KIF16B: variants seen among roughly 807,000 people sequenced by gnomAD.
KIF16B encodes kinesin family member 16B, also known as kinesin-like protein KIF16B.
A neutral mutation model predicts 156.3 loss-of-function variants in KIF16B; 98 were observed. That is an observed-to-expected ratio of 0.63 (90% CI 0.53 to 0.74). The LOEUF (loss-of-function observed/expected upper bound fraction) is 0.74. KIF16B is among the 30% of genes least tolerant of loss of function. KIF16B has a pLI of 0.00. For missense variants in KIF16B, 1,421 were observed against 1,606.5 expected (o/e 0.88, Z 1.97); for synonymous variants, 564 against 583.7 (o/e 0.97, Z 0.49).
chr20:16,352,627 G>A (rs917541457), intron 23 of KIF16B, among the ~76,000 whole-genome samples: 1 of 152,174 alleles, frequency 6.6e-6, no homozygotes, highest in Non-Finnish European at 1.5e-5. Flanking sequence ...CCAAATTGGA[G>A]CTCCCACACT....
rs1304707470 is a variant in KIF16B, at chr20:16,430,000, A to G, written c.1303-18T>C. The G allele has an allele frequency of 3.8e-6, 6 of 1,592,588 alleles. No homozygotes were observed. Among genetic ancestry groups the G allele is most frequent in the Non-Finnish European group, 5.1e-6 (6 of 1,173,566 alleles). On this transcript the variant is annotated intron_variant, in intron 12 of 25. Coordinates refer to ENST00000354981, the MANE Select transcript of KIF16B (RefSeq NM_024704.5). ...GTTTGTTCCTGAAATTAAGAGGAAA[A>G]GAAAAAGAAAAGGTTACTTTGGGAA... is the stretch of plus-strand genomic sequence containing the variant.
chr20:16,411,387 C>T (rs1427899603), intron 15 of KIF16B, among the ~76,000 whole-genome samples: 2 of 152,070 alleles, frequency 1.3e-5, no homozygotes, highest in African/African-American at 2.4e-5. Flanking sequence ...ATGGCCACTT[C>T]AACACTATAC....
chr20:16,310,353 C>T (rs906710021), intron 25 of KIF16B, among the ~76,000 whole-genome samples: 10 of 152,172 alleles, frequency 6.6e-5, no homozygotes, highest in Non-Finnish European at 1.5e-4. Context: ...ACACAGGTTC[C>T]ACCTGAAAGC....
intron 23 of KIF16B, among the ~76,000 whole-genome samples, chr20:16,344,209 T>C (rs947869792): frequency 5.3e-5 from 8 of 152,340 alleles, no homozygotes; most frequent in Middle Eastern, 3.4e-3. Context: ...ATTAGTATAT[T>C]AGATTTAATT....
chr20:16,520,758 A>G (rs1367648698), intron 3 of KIF16B, among the ~76,000 whole-genome samples: 1 of 152,108 alleles, frequency 6.6e-6, no homozygotes, highest in Non-Finnish European at 1.5e-5. Context: ...GCAGGGGTTG[A>G]CAGACACCTC....
At chr20:16,356,769 TA>T (rs1337527550) in intron 22 of KIF16B, among the ~76,000 whole-genome samples, 1 of 152,126 alleles carries the variant, frequency 6.6e-6, no homozygotes, top group African/African-American at 2.4e-5. Flanking sequence ...CCTGACTTCT[TA>T]AAAAAAATCA....
At position 16,528,395 on chromosome 20, in the gene KIF16B, G is replaced by T; in HGVS notation, c.93C>A (p.Ser31Arg). 6.2e-7 allele frequency: 1 copy of T among 1,613,836 alleles called. No homozygotes were observed. The highest frequency in any genetic ancestry group is 2.2e-5 in the East Asian group (1 of 44,870). The change falls in exon 2 of 26, where the codon AGC becomes AGA. Residue 31 changes from serine to arginine, a missense_variant. Physicochemically the swap from Ser to Arg is moderately radical, Grantham distance 110 (BLOSUM62 -1). Coordinates refer to ENST00000354981, the MANE Select transcript of KIF16B (RefSeq NM_024704.5). Reference protein sequence around the residue: ...EAKFIIQMEKSKTTITNLKIP... With the variant: ...EAKFIIQMEKRKTTITNLKIP... ...CCTTTAAGTTTGTGATTGTCGTTTT[G>T]CTTTTCTCCATCTGAATAATGAACT...
At chr20:16,328,359 C>G (rs961297110) in intron 24 of KIF16B, among the ~76,000 whole-genome samples, 5 of 152,126 alleles carry the variant, frequency 3.3e-5, no homozygotes, top group Non-Finnish European at 5.9e-5. Flanking sequence ...TGACTCACTG[C>G]GATAACTTAG....
intron 2 of KIF16B, among the ~76,000 whole-genome samples, chr20:16,526,917 TAA>T (rs1315540693): frequency 6.6e-6 from 1 of 152,182 alleles, no homozygotes; most frequent in Non-Finnish European, 1.5e-5. Context: ...ATGAAAACAC[TAA>T]AAGTCTAGGC....
chr20:16,472,948 C>G (rs1161007674), intron 12 of KIF16B, among the ~76,000 whole-genome samples: 1 of 152,192 alleles, frequency 6.6e-6, no homozygotes, highest in Non-Finnish European at 1.5e-5. Flanking sequence ...AAAACCATAT[C>G]TAGGTTCTGA....
At chr20:16,291,972 G>A (rs2063321213) in intron 25 of KIF16B, among the ~76,000 whole-genome samples, 1 of 152,114 alleles carries the variant, frequency 6.6e-6, no homozygotes. Flanking sequence ...TGTGTTTCCA[G>A]CTAGCTAAAG....
chr20:16,357,791 C>G (rs2064472988), intron 22 of KIF16B, among the ~76,000 whole-genome samples: 1 of 152,166 alleles, frequency 6.6e-6, no homozygotes, highest in Non-Finnish European at 1.5e-5. Flanking sequence ...GTTTCCGAAG[C>G]CTGTTATAGG....
chr20:16,499,626 A>C (rs1267286310), intron 10 of KIF16B, among the ~76,000 whole-genome samples: 2 of 152,216 alleles, frequency 1.3e-5, no homozygotes, highest in African/African-American at 2.4e-5. Context: ...GACAATTTTC[A>C]AAACAAATAG....
At chr20:16,278,597 G>A (rs1011421642) in intron 25 of KIF16B, among the ~76,000 whole-genome samples, 2 of 152,200 alleles carry the variant, frequency 1.3e-5, no homozygotes, top group Non-Finnish European at 2.9e-5. Flanking sequence ...AGGTAACTGG[G>A]AGACATGGAC....
intron 12 of KIF16B, among the ~76,000 whole-genome samples, chr20:16,487,380 C>T (rs763425470): frequency 2.0e-5 from 3 of 152,230 alleles, no homozygotes; most frequent in Non-Finnish European, 1.5e-5. Context: ...TCCAGAGGAC[C>T]GCAGGAAACT....
At chr20:16,523,123 C>T (rs2069411093) in intron 3 of KIF16B, among the ~76,000 whole-genome samples, 1 of 152,166 alleles carries the variant, frequency 6.6e-6, no homozygotes, top group African/African-American at 2.4e-5. Flanking sequence ...AAAACCAGCA[C>T]AAGACAAGGA....
At chr20:16,419,910 A>G (rs545133499) in intron 15 of KIF16B, among the ~76,000 whole-genome samples, 1 of 152,268 alleles carries the variant, frequency 6.6e-6, no homozygotes, top group East Asian at 1.9e-4. Flanking sequence ...TACCAAGAGG[A>G]GCTCAAGTTT....
intron 12 of KIF16B, among the ~76,000 whole-genome samples, chr20:16,478,511 A>G (rs1408173560): frequency 6.6e-6 from 1 of 152,214 alleles, no homozygotes; most frequent in Non-Finnish European, 1.5e-5. Context: ...AATTCTAGGC[A>G]GAAACAATTC....
chr20:16,282,618 T>C (rs1274555803), intron 25 of KIF16B, among the ~76,000 whole-genome samples: 8 of 151,912 alleles, frequency 5.3e-5, no homozygotes, highest in African/African-American at 1.9e-4. Context: ...AGGAAGCAGG[T>C]ACCAAGCCTA....
Sources: allele counts gnomAD v4.1 joint callset (sites outside exome capture counted in the v4.1 genomes callset), GRCh38; gene constraint gnomAD v4.1.1; transcripts MANE v1.5; gene names NCBI Gene and HGNC (gene_info 2026-07-23, HGNC 2026-07-21).